KIAA0319L: variants seen among roughly 807,000 people sequenced by gnomAD.
KIAA0319L encodes KIAA0319 like.
A neutral mutation model predicts 120.1 loss-of-function variants in KIAA0319L; 55 were observed. The ratio of observed to expected loss-of-function variants is 0.46; its 90% confidence interval spans 0.37 to 0.57. KIAA0319L has a LOEUF of 0.57. Among genes scored for constraint, KIAA0319L ranks in the 20% least tolerant of loss-of-function variants. The pLI, the probability that KIAA0319L is intolerant of heterozygous loss-of-function variation, is 0.00. For missense variants in KIAA0319L, 1,049 were observed against 1,255.3 expected (o/e 0.84, Z 2.48); for synonymous variants, 398 against 471.9 (o/e 0.84, Z 2.03).
intron 3 of KIAA0319L, among the ~76,000 whole-genome samples, chr1:35,493,120 T>C (rs955121705): frequency 1.3e-5 from 2 of 152,302 alleles, no homozygotes; most frequent in East Asian, 1.9e-4. Context: ...ATAGACAACA[T>C]GATTATATAT....
At position 35,507,033 on chromosome 1, in the gene KIAA0319L, AGAGAGGGG is replaced by A. The variant is rs748665482; in HGVS notation, c.237_244del (p.Ser81ValfsTer37). ...GCAGCAGGCAGCCCAACATGACTGG[AGAGAGGGG>A]GTTCCTTCAAGAAGCCAGAGGTGAT... On this transcript the variant is annotated frameshift_variant, in exon 3 of 21. Coordinates refer to ENST00000325722, the MANE Select transcript of KIAA0319L (RefSeq NM_024874.5). LOFTEE classifies it high-confidence loss of function. 1 of 1,608,276 alleles carries A rather than the reference AGAGAGGGG, an allele frequency of 6.2e-7. No homozygotes were observed. Among genetic ancestry groups the A allele is most frequent in the African/African-American group, 1.3e-5 (1 of 74,726 alleles).
At chr1:35,548,833 C>T (rs373824186) in intron 2 of KIAA0319L, among the ~76,000 whole-genome samples, 143 of 152,112 alleles carry the variant, frequency 9.4e-4, no homozygotes, top group African/African-American at 3.3e-3. Context: ...TGTGGAGTTT[C>T]TTCTATATAC....
Position 35,434,887 on chromosome 1 carries a change from C to T in KIAA0319L, c.*7G>A, listed in dbSNP as rs1447233633. ...TGGGCCCTGCCCTGAGGAGACAGAC[C>T]AGGTGGCTACAGGATCTCCTCCCGC... is the stretch of plus-strand genomic sequence containing the variant. On this transcript the variant is annotated 3_prime_UTR_variant, in exon 21 of 21. Coordinates refer to ENST00000325722, the MANE Select transcript of KIAA0319L (RefSeq NM_024874.5). 1 of 1,611,126 alleles carries T rather than the reference C, an allele frequency of 6.2e-7. No individual in the cohort carries two copies. Among genetic ancestry groups the T allele is most frequent in the Non-Finnish European group, 8.5e-7 (1 of 1,179,310 alleles).
chr1:35,546,494 C>T (rs965533460), intron 2 of KIAA0319L, among the ~76,000 whole-genome samples: 1 of 152,174 alleles, frequency 6.6e-6, no homozygotes, highest in Non-Finnish European at 1.5e-5. Flanking sequence ...ATGGAAATAG[C>T]AAATGTGGTC....
At chr1:35,505,989 G>C (rs535690307) in intron 3 of KIAA0319L, among the ~76,000 whole-genome samples, 29 of 152,310 alleles carry the variant, frequency 1.9e-4, no homozygotes, top group African/African-American at 6.7e-4. Flanking sequence ...CAGAGAGTGA[G>C]TCATTCCTTT....
rs1041638063 is a variant in KIAA0319L, at chr1:35,462,672, G to C, written c.1243C>G (p.Gln415Glu). Reference sequence around the variant, plus strand: ...GTTGGCAAAGAGATCTCCTGGAACTGAGGTGACACAATAGCAATGGGGGGC... The same window carrying C: ...GTTGGCAAAGAGATCTCCTGGAACTCAGGTGACACAATAGCAATGGGGGGC... ...NRPPIAIVSP[Q>E]FQEISLPTTS... Residue 415 changes from glutamine to glutamate, a missense_variant, in exon 8 of 21, where the codon CAG (glutamine) becomes GAG (glutamate). Coordinates refer to ENST00000325722, the MANE Select transcript of KIAA0319L (RefSeq NM_024874.5). 6.2e-7 allele frequency: 1 copy of C among 1,614,170 alleles called. No individual in the cohort carries two copies. Among genetic ancestry groups the C allele is most frequent in the Non-Finnish European group, 8.5e-7 (1 of 1,179,982 alleles).
At chr1:35,496,186 G>A (rs765299695) in intron 3 of KIAA0319L, among the ~76,000 whole-genome samples, 10 of 152,076 alleles carry the variant, frequency 6.6e-5, no homozygotes, top group East Asian at 3.9e-4. Context: ...TTGGGAGGTC[G>A]AAATGGGTAT....
intron 2 of KIAA0319L, among the ~76,000 whole-genome samples, chr1:35,525,801 T>G (rs1296197814): frequency 6.6e-6 from 1 of 152,188 alleles, no homozygotes; most frequent in African/African-American, 2.4e-5. Flanking sequence ...CTCTTCACTT[T>G]GTTGTTTCAT....
At chr1:35,524,318 CCTT>C (rs1424265889) in intron 2 of KIAA0319L, among the ~76,000 whole-genome samples, 2 of 152,302 alleles carry the variant, frequency 1.3e-5, no homozygotes, top group East Asian at 3.9e-4. Flanking sequence ...CCTGAAAATG[CCTT>C]CTTTTGTGTC....
At chr1:35,517,603 A>G (rs1439746476) in intron 2 of KIAA0319L, among the ~76,000 whole-genome samples, 2 of 152,236 alleles carry the variant, frequency 1.3e-5, no homozygotes, top group Non-Finnish European at 2.9e-5. Flanking sequence ...CCAAAACTAT[A>G]AAAACCCTGG....
chr1:35,434,702 C>A lies in KIAA0319L; in HGVS notation c.*192G>T, dbSNP rs1400486281. On this transcript the variant is annotated 3_prime_UTR_variant, in exon 21 of 21. Transcript: ENST00000325722. Reference sequence around the variant, plus strand: ...CCACCAGACAGGTTTAAAGAGGAAACCTCTTCATTCACAGCTTCGTTGAGG... The same window carrying A: ...CCACCAGACAGGTTTAAAGAGGAAAACTCTTCATTCACAGCTTCGTTGAGG... 1 of 571,876 alleles carries A rather than the reference C, an allele frequency of 1.7e-6. No individual in the cohort carries two copies. Among genetic ancestry groups the A allele is most frequent in the Non-Finnish European group, 3.1e-6 (1 of 325,504 alleles). 35.4% of individuals were successfully genotyped at this position (571,876 alleles called of 1,614,324 possible). A position where few individuals can be genotyped will look rare whatever the true frequency, so the allele number is the denominator to read the frequency against.
rs1396938336 is a variant in KIAA0319L at position 35,441,563 on chromosome 1, GCT to G, written c.2871-427_2871-426del. Among the ~76,000 whole-genome samples, 4 of 152,100 alleles carry G rather than the reference GCT, an allele frequency of 2.6e-5. No homozygotes were observed. The South Asian group carries it at 6.2e-4, about 24-fold the overall frequency. On this transcript the variant is annotated intron_variant, in intron 19 of 20. Transcript: ENST00000325722. ...AGGTTATACTGAAAGTTGAATCTCA[GCT>G]CTGTCACTATCAACTGGTCCTCAGA...
intron 2 of KIAA0319L, among the ~76,000 whole-genome samples, chr1:35,528,024 TC>T (rs1413613873): frequency 6.6e-6 from 1 of 152,166 alleles, no homozygotes; most frequent in Non-Finnish European, 1.5e-5. Context: ...TAAACTTCCC[TC>T]TTAGCACTGC....
At chr1:35,516,136 G>A (rs1348200182) in intron 2 of KIAA0319L, among the ~76,000 whole-genome samples, 1 of 152,116 alleles carries the variant, frequency 6.6e-6, no homozygotes, top group Admixed American at 6.6e-5. Flanking sequence ...AGAAGAGCTG[G>A]TACCTTCCTA....
intron 12 of KIAA0319L, 94 bp from the exon 13 acceptor site, chr1:35,451,870 G>T: frequency 7.8e-7 from 1 of 1,274,058 alleles, no homozygotes; most frequent in Non-Finnish European, 1.1e-6. Context: ...CCTCAGCAAA[G>T]ACACGAACTA....
intron 20 of KIAA0319L, among the ~76,000 whole-genome samples, chr1:35,436,622 T>G (rs1041902224): frequency 6.6e-6 from 1 of 152,042 alleles, no homozygotes; most frequent in Non-Finnish European, 1.5e-5. Context: ...CCTAATATAC[T>G]TCAATAGAAA....
At position 35,506,854 on chromosome 1, in the gene KIAA0319L, A is replaced by G; in HGVS notation, c.424T>C (p.Phe142Leu). The change falls in exon 3 of 21, where the codon TTT becomes CTT. Residue 142 changes from phenylalanine (F) to leucine (L), a missense_variant. Transcript: ENST00000325722. This position sits in a 1 kb window ranked among gnomAD's most constrained non-coding sequence, Gnocchi z 4.0. ...KKFQTADDLG[F>L]LPEDDVPHLL... ...TGTGGTACATCATCTTCAGGTAGAA[A>G]GCCCAAATCATCTGCAGTTTGGAAT... 2 of 1,614,252 alleles carry G rather than the reference A, an allele frequency of 1.2e-6. No homozygotes were observed. The highest frequency in any genetic ancestry group is 1.7e-6 in the Non-Finnish European group (2 of 1,180,044).
At chr1:35,508,625 G>GA (rs1285013023) in intron 2 of KIAA0319L, among the ~76,000 whole-genome samples, 2 of 149,702 alleles carry the variant, frequency 1.3e-5, no homozygotes, top group Non-Finnish European at 3.0e-5. Flanking sequence ...TACCAACTAC[G>GA]AAAAAAAAAT....
chr1:35,455,211 A>G (rs1247966519), intron 10 of KIAA0319L, among the ~76,000 whole-genome samples: 1 of 152,212 alleles, frequency 6.6e-6, no homozygotes, highest in Non-Finnish European at 1.5e-5. Context: ...TTTCACATAA[A>G]GGTCTCAATT....
Sources: gnomAD v4.1 joint callset for allele counts (sites outside exome capture counted in the v4.1 genomes callset) on GRCh38, gnomAD v4.1.1 for gene constraint, Gnocchi (gnomAD v3.1) non-coding constraint, MANE v1.5 for transcripts, NCBI Gene and HGNC (gene_info 2026-07-23, HGNC 2026-07-21) for gene names.